The following C6orf62 variants were observed in gnomAD, a reference collection of about 807,000 sequenced individuals.
C6orf62 encodes the protein chromosome 6 open reading frame 62, also known as uncharacterized protein C6orf62.
C6orf62 carries 16 observed loss-of-function variants against 26.8 expected under a neutral mutation model. The observed-to-expected ratio is 0.60, with a 90% CI of 0.40 to 0.91. The LOEUF (loss-of-function observed/expected upper bound fraction) is 0.91, where lower values mean the gene tolerates loss of function less well. Ranked by LOEUF, C6orf62 falls within the 40% of genes least tolerant of loss-of-function variation. The pLI is 0.00. For synonymous variants in C6orf62, 112 were observed against 91.5 expected, an observed-to-expected ratio of 1.22 and a Z score of -1.28; for missense variants, 192 against 271.4, an observed-to-expected ratio of 0.71 and a Z score of 2.06.
At chr6:24,711,855 A>G (rs1426663726) in intron 3 of C6orf62, among the ~76,000 whole-genome samples, 1 of 152,174 alleles carries the variant, frequency 6.6e-6, no homozygotes, top group Non-Finnish European at 1.5e-5. Context: ...TACTTACTGC[A>G]GTTGAATTCT....
At chr6:24,708,151 T>C (rs1057474045) in intron 4 of C6orf62, among the ~76,000 whole-genome samples, 4 of 152,130 alleles carry the variant, frequency 2.6e-5, no homozygotes, top group South Asian at 2.1e-4. Context: ...TGTTCATCCA[T>C]TGCCCACACA....
At chr6:24,718,106 A>G (rs1391591629) in intron 1 of C6orf62, among the ~76,000 whole-genome samples, 1 of 152,248 alleles carries the variant, frequency 6.6e-6, no homozygotes, top group Non-Finnish European at 1.5e-5. Context: ...TGTAAGAGAA[A>G]AGGTTACCTA....
chr6:24,711,885 T>C (rs1779127645), intron 3 of C6orf62, among the ~76,000 whole-genome samples: 1 of 152,200 alleles, frequency 6.6e-6, no homozygotes. Context: ...ACCTACATCA[T>C]ACTGCTTACA....
At chr6:24,710,814 C>T (rs980071998) in intron 3 of C6orf62, among the ~76,000 whole-genome samples, 14 of 151,942 alleles carry the variant, frequency 9.2e-5, no homozygotes, top group Non-Finnish European at 1.8e-4. Flanking sequence ...GCCCGGGCAA[C>T]ACAGTGAGAT....
chr6:24,720,401 C>T, upstream of C6orf62: 1 of 1,155,520 alleles, frequency 8.7e-7, no homozygotes, highest in South Asian at 4.1e-5. Context: ...CTGGACCGCC[C>T]GCGCTGCTGC....
chr6:24,705,995 C>A lies in C6orf62; in HGVS notation c.*142G>T. 1 of 1,225,308 alleles carries A rather than the reference C, an allele frequency of 8.2e-7. No individual in the cohort carries two copies. The highest frequency in any genetic ancestry group is 2.0e-5 in the South Asian group (1 of 49,358). 75.9% of individuals were successfully genotyped at this position (1,225,308 alleles called of 1,614,324 possible). ...GAGATAAAAATGATTTAAAAAAATC[C>A]AGGATGAACAAGTTTCAAAATGCAT... On this transcript the variant is annotated 3_prime_UTR_variant, in exon 5 of 5. Transcript: ENST00000378119.
chr6:24,707,495 C>T (rs1293972764), intron 4 of C6orf62, among the ~76,000 whole-genome samples: 2 of 151,756 alleles, frequency 1.3e-5, no homozygotes, highest in African/African-American at 4.8e-5. Context: ...GTAGCTAGGA[C>T]CACAGGAACA....
intron 4 of C6orf62, chr6:24,706,773 G>A (rs1056586359): frequency 3.2e-5 from 5 of 155,860 alleles, no homozygotes; most frequent in African/African-American, 1.2e-4. Flanking sequence ...TTAGCTGGAT[G>A]TGGTGGCACA....
At chr6:24,719,464 T>A (rs1358796021), upstream of C6orf62, 3 of 1,087,646 alleles carry the variant, frequency 2.8e-6, no homozygotes, top group Non-Finnish European at 3.4e-6. Context: ...AAAGGAGCCA[T>A]GAGAAAAAAC....
chr6:24,719,069 C>T lies in C6orf62; in HGVS notation c.-401G>A. ...GCAATAAAACACAGCTGACACCAGA[C>T]CAATCCCTAAAATCCATCCGGATTT... On this transcript the variant is annotated 5_prime_UTR_variant, in exon 1 of 5. The change creates a premature stop within an existing upstream ORF in the 5' untranslated region. Coordinates refer to ENST00000378119, the MANE Select transcript of C6orf62 (RefSeq NM_030939.5). The T allele has an allele frequency of 1.0e-6, 1 of 1,003,822 alleles. No homozygotes were observed. The highest frequency in any genetic ancestry group is 1.2e-6 in the Non-Finnish European group (1 of 842,498). The allele number at this position is 1,003,822 out of a possible 1,614,324, so 62.2% of individuals were successfully genotyped here.
Position 24,709,426 on chromosome 6 carries a change from AT to A in C6orf62, c.430-516del, listed in dbSNP as rs1166952564. On this transcript the variant is annotated intron_variant, in intron 3 of 4. Coordinates refer to ENST00000378119, the MANE Select transcript of C6orf62 (RefSeq NM_030939.5). ...TTGCTGTTTCTAAGAAAAAAAAAAA[AT>A]AAATCTGTTTATTCTAACCCTAGCT... The A allele has an allele frequency of 1.4e-5, 14 of 983,436 alleles. No individual in the cohort carries two copies. The East Asian group carries it at 5.7e-4, about 40-fold the overall frequency. The allele number at this position is 983,436 out of a possible 1,614,324, so 60.9% of individuals were successfully genotyped here. A position where few individuals can be genotyped will look rare whatever the true frequency, so the allele number is the denominator to read the frequency against.
At chr6:24,706,469 G>A (rs895946172) in intron 4 of C6orf62, among the ~76,000 whole-genome samples, 1 of 152,140 alleles carries the variant, frequency 6.6e-6, no homozygotes, top group Non-Finnish European at 1.5e-5. Flanking sequence ...AAAAGTTAGG[G>A]AAGTAAACCA....
At chr6:24,719,936 G>A (rs757432457), upstream of C6orf62, 50 of 1,550,324 alleles carry the variant, frequency 3.2e-5, no homozygotes, top group South Asian at 1.3e-4. Context: ...CGGGTGGAGT[G>A]GGCGGGAGAG....
At chr6:24,717,456 T>A (rs1368936627) in intron 1 of C6orf62, among the ~76,000 whole-genome samples, 1 of 152,222 alleles carries the variant, frequency 6.6e-6, no homozygotes, top group African/African-American at 2.4e-5. Flanking sequence ...AATGCTATAC[T>A]TCAGCAGCTA....
rs374072653 is a variant in C6orf62 at position 24,718,696 on chromosome 6, T to C, written c.-28A>G. 2 of 1,609,180 alleles carry C rather than the reference T, an allele frequency of 1.2e-6. No individual in the cohort carries two copies. The highest frequency in any genetic ancestry group is 1.7e-5 in the Admixed American group (1 of 58,666). Reference sequence around the variant, plus strand: ...TGAAATACAGGTGGTACTAAAGCCTTTGGAAATTGTCACTAAACTATGGGC... The same window carrying C: ...TGAAATACAGGTGGTACTAAAGCCTCTGGAAATTGTCACTAAACTATGGGC... On this transcript the variant is annotated 5_prime_UTR_variant, in exon 1 of 5. Transcript: ENST00000378119.
chr6:24,718,461 A>G lies in C6orf62; in HGVS notation c.129+79T>C, dbSNP rs761801427. On this transcript the variant is annotated intron_variant, in intron 1 of 4. Transcript: ENST00000378119. ...TCAACCACTCTTTAACCTAATATTCATAATAATTTAAGAGTAACAAATAAT... is the reference window on the plus strand; with the variant it reads ...TCAACCACTCTTTAACCTAATATTCGTAATAATTTAAGAGTAACAAATAAT... 10 of 1,358,908 alleles carry G rather than the reference A, an allele frequency of 7.4e-6. No homozygotes were observed. The African/African-American group carries it at 7.4e-5, about 10-fold the overall frequency. 84.2% of individuals were successfully genotyped at this position (1,358,908 alleles called of 1,614,324 possible).
upstream of C6orf62, chr6:24,720,177 A>C (rs950207039): frequency 3.7e-6 from 5 of 1,363,170 alleles, no homozygotes; most frequent in African/African-American, 7.5e-5. Context: ...GGTGACGGGG[A>C]AATCCCCTCC....
intron 4 of C6orf62, chr6:24,706,719 C>T (rs959660148): frequency 1.9e-5 from 3 of 156,804 alleles, no homozygotes; most frequent in African/African-American, 7.2e-5. Context: ...CAAGACCATT[C>T]TGGGCAACAT....
chr6:24,714,501 T>C, intron 2 of C6orf62, 61 bp from the exon 3 acceptor site: 1 of 1,302,368 alleles, frequency 7.7e-7, no homozygotes, highest in Non-Finnish European at 1.1e-6. Flanking sequence ...TCAAGCCATG[T>C]CACAAATTAT....
Sources: allele counts gnomAD v4.1 joint callset (sites outside exome capture counted in the v4.1 genomes callset), GRCh38; gene constraint gnomAD v4.1.1; transcripts MANE v1.5; gene names NCBI Gene and HGNC (gene_info 2026-07-23, HGNC 2026-07-21).